PCLO: variants seen among roughly 807,000 people sequenced by gnomAD.
The protein encoded by PCLO is piccolo presynaptic cytomatrix protein.
Under a neutral mutation model 427.5 loss-of-function variants are expected in PCLO, and 82 were observed. The observed-to-expected ratio is 0.19, with a 90% CI of 0.16 to 0.23. The LOEUF (loss-of-function observed/expected upper bound fraction) is 0.23, where lower values mean the gene tolerates loss of function less well. Ranked by LOEUF, PCLO falls within the 10% of genes least tolerant of loss-of-function variation. The pLI is 1.00. For synonymous variants in PCLO, 2,357 were observed against 2,155.4 expected, an observed-to-expected ratio of 1.09 and a Z score of -2.59; for missense variants, 6,239 against 6,115.9, an observed-to-expected ratio of 1.02 and a Z score of -0.67.
chr7:82,954,067 A>T lies in PCLO; in HGVS notation c.6886T>A (p.Ser2296Thr). ...GCTTTCTTCACTGGGTCCTTTTCAGATATAAGTAAGTCAGTAGAAACAGTG... is the reference window on the plus strand; with the variant it reads ...GCTTTCTTCACTGGGTCCTTTTCAGTTATAAGTAAGTCAGTAGAAACAGTG... ...ADTVSTDLLI[S>T]EKDPVKKAKK... The change falls in exon 5 of 25, where the codon TCT (serine) becomes ACT (threonine). Residue 2296 changes from serine to threonine, a missense_variant. Ser to Thr is a moderately conservative substitution (Grantham distance 58). Around this residue, in one of 5 missense-constraint regions of PCLO, gnomAD observed 4,677 missense variants for 4,468.4 expected, o/e 1.05. Transcript: ENST00000333891. 1.2e-6 allele frequency: 2 copies of T among 1,613,794 alleles called. No individual in the cohort carries two copies. The highest frequency in any genetic ancestry group is 2.2e-5 in the South Asian group (2 of 91,058).
chr7:83,096,853 A>AT, intron 3 of PCLO, among the ~76,000 whole-genome samples: 1 of 96,982 alleles, frequency 1.0e-5, no homozygotes, highest in African/African-American at 4.5e-5. Flanking sequence ...ATATAAATAT[A>AT]TATAAAAATA....
At chr7:83,024,852 A>C (rs934050046) in intron 3 of PCLO, among the ~76,000 whole-genome samples, 2 of 151,980 alleles carry the variant, frequency 1.3e-5, no homozygotes, top group Non-Finnish European at 2.9e-5. Context: ...GTACACTGAC[A>C]CCTCACACGG....
Position 83,109,198 on chromosome 7 carries a change from G to GA in PCLO, c.3300+25051dup, listed in dbSNP as rs570303152. Among the ~76,000 whole-genome samples the GA allele has an allele frequency of 1.9e-4, 29 of 152,216 alleles. 2 individuals are homozygous for GA. The South Asian group carries it at 5.6e-3, about 29-fold the overall frequency. ...ATCCTGTTCCTTGCCAGACTGACTA[G>GA]AAAAAATGCCTACAATTTTATTTGA... is the stretch of plus-strand genomic sequence containing the variant. On this transcript the variant is annotated intron_variant, in intron 3 of 24. Coordinates refer to ENST00000333891, the MANE Select transcript of PCLO (RefSeq NM_033026.6).
intron 9 of PCLO, among the ~76,000 whole-genome samples, chr7:82,899,907 G>GA (rs1199578037): frequency 1.3e-5 from 2 of 151,302 alleles, no homozygotes; most frequent in Non-Finnish European, 3.0e-5. Flanking sequence ...GATGATTTAG[G>GA]AAAAAAATGA....
intron 3 of PCLO, among the ~76,000 whole-genome samples, chr7:83,035,822 A>G (rs951028277): frequency 3.3e-5 from 5 of 152,126 alleles, no homozygotes; most frequent in African/African-American, 1.2e-4. Context: ...TGACAGTCTT[A>G]TTCTGAGTAT....
chr7:83,122,142 T>C (rs1448022490), intron 3 of PCLO, among the ~76,000 whole-genome samples: 1 of 152,108 alleles, frequency 6.6e-6, no homozygotes, highest in Non-Finnish European at 1.5e-5. Context: ...AAACTGGGGA[T>C]AGAAGGAACA....
At chr7:82,830,558 T>C (rs1792069473) in intron 16 of PCLO, among the ~76,000 whole-genome samples, 1 of 152,050 alleles carries the variant, frequency 6.6e-6, no homozygotes, top group Non-Finnish European at 1.5e-5. Flanking sequence ...TGAATATACA[T>C]AGGAAACAAA....
At position 82,955,025 on chromosome 7, in the gene PCLO, C is replaced by A. The variant is rs1307195556; in HGVS notation, c.5928G>T (p.Arg1976Ser). The change falls in exon 5 of 25, where the codon AGG becomes AGT. Residue 1976 changes from arginine (R) to serine (S), a missense_variant. Arg to Ser is a moderately radical substitution (Grantham distance 110). Coordinates refer to ENST00000333891, the MANE Select transcript of PCLO (RefSeq NM_033026.6). ...NGSVDGSLLT[R>S]QEEENGFMQQ... ...GCATAAATCCATTTTCTTCTTCTTG[C>A]CTTGTTAGCAGACTGCCATCTACCG... 1.9e-6 allele frequency: 3 copies of A among 1,613,648 alleles called. No homozygotes were observed. The highest frequency in any genetic ancestry group is 2.5e-6 in the Non-Finnish European group (3 of 1,179,862).
intron 7 of PCLO, among the ~76,000 whole-genome samples, chr7:82,913,528 C>T (rs1268804783): frequency 6.6e-6 from 1 of 151,626 alleles, no homozygotes; most frequent in African/African-American, 2.4e-5. Context: ...TCTACATCTA[C>T]ATTCAAATGT....
chr7:83,057,449 C>G (rs1789428664), intron 3 of PCLO, among the ~76,000 whole-genome samples: 1 of 140,146 alleles, frequency 7.1e-6, no homozygotes, highest in Non-Finnish European at 1.5e-5. Context: ...GAAAGCTCTG[C>G]CTCCTGGGTT....
At chr7:82,892,131 C>A (rs2116126385) in intron 9 of PCLO, among the ~76,000 whole-genome samples, 1 of 152,132 alleles carries the variant, frequency 6.6e-6, no homozygotes, top group South Asian at 2.1e-4. Flanking sequence ...CAATCCTAAG[C>A]CAAAAGAACA....
chr7:83,149,638 T>C (rs764033450), intron 2 of PCLO, among the ~76,000 whole-genome samples: 1 of 152,224 alleles, frequency 6.6e-6, no homozygotes, highest in Non-Finnish European at 1.5e-5. Context: ...ATCAGGAATG[T>C]CTTACAGGCT....
chr7:82,790,954 T>C (rs1791088746), intron 22 of PCLO, among the ~76,000 whole-genome samples: 1 of 152,238 alleles, frequency 6.6e-6, no homozygotes, highest in African/African-American at 2.4e-5. Context: ...TAAACATTTA[T>C]TTCAGTTTCG....
rs1301448380 is a variant in PCLO at position 83,038,128 on chromosome 7, CACAT to C, written c.3301-71645_3301-71642del. On this transcript the variant is annotated intron_variant, in intron 3 of 24. Coordinates refer to ENST00000333891, the MANE Select transcript of PCLO (RefSeq NM_033026.6). ...ATATATGTATATATATGCACACACA[CACAT>C]ACACACACTCATATATACACATACA... Among the ~76,000 whole-genome samples, 55 of 121,538 alleles carry C rather than the reference CACAT, an allele frequency of 4.5e-4. 4 individuals are homozygous for C. The highest frequency in any genetic ancestry group is 6.0e-4 in the Non-Finnish European group (36 of 59,960). The allele number at this position is 121,538 out of a possible 152,430, so 79.7% of individuals were successfully genotyped here.
At position 83,156,235 on chromosome 7, in the gene PCLO, T is replaced by C; in HGVS notation, c.406A>G (p.Lys136Glu). Residue 136 changes from lysine to glutamate, a missense_variant, in exon 2 of 25, where the codon AAA (lysine) becomes GAA (glutamate). By Grantham distance (56) the Lys-to-Glu change is moderately conservative (BLOSUM62 1). This residue lies in a region of PCLO where 4,677 missense variants were observed against 4,468.4 expected (regional missense o/e 1.05). Coordinates refer to ENST00000333891, the MANE Select transcript of PCLO (RefSeq NM_033026.6). Reference sequence around the variant, plus strand: ...AAATCAGTTCTGGACTTTGATTCTTTCAAGCTAATAGTGGAAGGACTCCTC... The same window carrying C: ...AAATCAGTTCTGGACTTTGATTCTTCCAAGCTAATAGTGGAAGGACTCCTC... ...PGRSPSTISLKESKSRTDLKE... is the reference protein window; with the variant it reads ...PGRSPSTISLEESKSRTDLKE... The C allele has an allele frequency of 1.2e-6, 2 of 1,613,940 alleles. No homozygotes were observed. The highest frequency in any genetic ancestry group is 1.3e-5 in the African/African-American group (1 of 75,024).
At chr7:82,825,821 TA>T (rs1261984821) in intron 18 of PCLO, among the ~76,000 whole-genome samples, 2 of 148,130 alleles carry the variant, frequency 1.4e-5, no homozygotes, top group African/African-American at 4.9e-5. Flanking sequence ...CAATGTATAA[TA>T]TACGTATATA....
At chr7:83,052,287 T>C (rs1273465109) in intron 3 of PCLO, among the ~76,000 whole-genome samples, 1 of 151,880 alleles carries the variant, frequency 6.6e-6, no homozygotes. Flanking sequence ...GTACTCTTTG[T>C]CCTTTCTGAA....
chr7:82,991,243 C>G (rs554521165), intron 3 of PCLO, among the ~76,000 whole-genome samples: 5 of 151,918 alleles, frequency 3.3e-5, no homozygotes, highest in Non-Finnish European at 7.4e-5. Context: ...TGTGTTGTTA[C>G]CACATCATTG....
At chr7:83,026,470 C>G (rs1255016991) in intron 3 of PCLO, among the ~76,000 whole-genome samples, 1 of 152,032 alleles carries the variant, frequency 6.6e-6, no homozygotes, top group Admixed American at 6.6e-5. Flanking sequence ...CCTGAGTGAC[C>G]TACAAAGAGA....
Sources: allele counts gnomAD v4.1 joint callset (sites outside exome capture counted in the v4.1 genomes callset), GRCh38; gene constraint gnomAD v4.1.1; regional missense constraint gnomAD v4.1.1; transcripts MANE v1.5; gene names NCBI Gene and HGNC (gene_info 2026-07-23, HGNC 2026-07-21).